PDE1C: variants seen among roughly 807,000 people sequenced by gnomAD.
PDE1C encodes the protein dual specificity calcium/calmodulin-dependent 3',5'-cyclic nucleotide phosphodiesterase 1C.
In PDE1C, 62 loss-of-function variants were observed where a neutral mutation model predicts 93.1. The observed-to-expected ratio is 0.67, with a 90% CI of 0.54 to 0.82. The LOEUF (loss-of-function observed/expected upper bound fraction) is 0.82, where lower values mean the gene tolerates loss of function less well. Ranked by LOEUF, PDE1C falls within the 40% of genes least tolerant of loss-of-function variation. PDE1C has a pLI of 0.00. For missense variants in PDE1C, 742 were observed against 884.6 expected (o/e 0.84, Z 2.04); for synonymous variants, 325 against 310.1 (o/e 1.05, Z -0.50).
At chr7:31,655,984 T>G in the PDE1C span, 1 of 985,330 alleles carries the variant, frequency 1.0e-6, no homozygotes, top group Non-Finnish European at 1.2e-6. Context: ...CTAAACCACC[T>G]CCTGTGTTCC....
Position 31,815,830 on chromosome 7 carries a change from G to A in PDE1C, c.1813+94C>T, listed in dbSNP as rs1788177761. ...GATGAGCAGGGAAGCCTTGCCCTGT[G>A]AGCTGACCCCATCAGTAGGGTTGTT... On this transcript the variant is annotated intron_variant, in intron 15 of 17. Transcript: ENST00000396191. 5.4e-6 allele frequency: 5 copies of A among 933,172 alleles called. No individual in the cohort carries two copies. The Admixed American group carries it at 7.1e-5, about 13-fold the overall frequency. The allele number at this position is 933,172 out of a possible 1,614,324, so 57.8% of individuals were successfully genotyped here.
chr7:31,705,986 ATTTTTTTTTTTTTTTTTTTTTT>A, the PDE1C span, among the ~76,000 whole-genome samples: 3 of 52,486 alleles, frequency 5.7e-5, no homozygotes, highest in South Asian at 2.5e-3. Context: ...CAGACCAGTA[ATTTTTTTTTTTTTTTTTTTTTT>A]TTTTTTTTTT....
chr7:32,320,157 G>A (rs546874027), intron 1 of PDE1C, among the ~76,000 whole-genome samples: 22 of 152,248 alleles, frequency 1.4e-4, no homozygotes, highest in African/African-American at 4.8e-4. Context: ...ATAACATTTT[G>A]TAAAGTTTAC....
At chr7:31,826,235 A>G (rs1056520725) in intron 12 of PDE1C, among the ~76,000 whole-genome samples, 33 of 152,190 alleles carry the variant, frequency 2.2e-4, no homozygotes, top group African/African-American at 7.7e-4. Context: ...AGTTTTCACA[A>G]TGGCCCAGGT....
chr7:32,005,004 G>A (rs1786001773), intron 2 of PDE1C, among the ~76,000 whole-genome samples: 1 of 152,154 alleles, frequency 6.6e-6, no homozygotes, highest in African/African-American at 2.4e-5. Flanking sequence ...CTCCTATGGA[G>A]GATGAAATGG....
chr7:32,133,544 T>C (rs911322729), intron 3 of PDE1C, among the ~76,000 whole-genome samples: 4 of 152,174 alleles, frequency 2.6e-5, no homozygotes, highest in African/African-American at 9.6e-5. Flanking sequence ...AACCAGTGTA[T>C]AAATTTAGCC....
intron 1 of PDE1C, among the ~76,000 whole-genome samples, chr7:32,389,160 G>GTGTGTGTGTGTC (rs777922226): frequency 0.043 from 5,567 of 129,200 alleles, 250 homozygotes; most frequent in African/African-American, 0.13. Flanking sequence ...TAGCTGACGT[G>GTGTGTGTGTGTC]TGTGTGTGTG....
chr7:32,426,881 G>A (rs1785544102), intron 1 of PDE1C, among the ~76,000 whole-genome samples: 1 of 152,160 alleles, frequency 6.6e-6, no homozygotes, highest in South Asian at 2.1e-4. Flanking sequence ...TTCTTGAAAA[G>A]TCAACAGACC....
the PDE1C span, among the ~76,000 whole-genome samples, chr7:31,659,993 ATGATAG>A: frequency 6.6e-6 from 1 of 152,130 alleles, no homozygotes; most frequent in East Asian, 1.9e-4. Flanking sequence ...TGTTGTTCTC[ATGATAG>A]TGAGTTCTCA....
At chr7:32,172,823 TAAAAA>T (rs70989638) in intron 2 of PDE1C, among the ~76,000 whole-genome samples, 1 of 104,456 alleles carries the variant, frequency 9.6e-6, no homozygotes, top group Non-Finnish European at 1.9e-5. Flanking sequence ...ACTCCATCTT[TAAAAA>T]AAAAAAAAAA....
chr7:31,760,622 A>C (rs890180946), intron 17 of PDE1C, among the ~76,000 whole-genome samples: 4 of 152,178 alleles, frequency 2.6e-5, no homozygotes, highest in African/African-American at 9.7e-5. Flanking sequence ...GCTTTTGAGT[A>C]AATTCTAATA....
the PDE1C span, chr7:31,642,556 C>G: frequency 7.0e-6 from 6 of 852,876 alleles, no homozygotes; most frequent in Admixed American, 1.2e-4. Flanking sequence ...TAAACAGATG[C>G]AAAACCTGAT....
chr7:32,209,966 A>G (rs567091183), intron 1 of PDE1C, among the ~76,000 whole-genome samples: 2 of 152,328 alleles, frequency 1.3e-5, no homozygotes, highest in African/African-American at 4.8e-5. Flanking sequence ...TAGGATCCAT[A>G]GGGGCAAAGC....
chr7:31,758,894 T>G (rs1047698262), intron 17 of PDE1C, among the ~76,000 whole-genome samples: 3 of 152,164 alleles, frequency 2.0e-5, no homozygotes, highest in Non-Finnish European at 4.4e-5. Context: ...TCACCGTCCC[T>G]CTCCATATTC....
chr7:32,214,419 A>G (rs1439549780), intron 1 of PDE1C, among the ~76,000 whole-genome samples: 1 of 152,034 alleles, frequency 6.6e-6, no homozygotes, highest in Non-Finnish European at 1.5e-5. Flanking sequence ...CACCTAGGGA[A>G]TGTTACAAAA....
At chr7:31,683,777 T>C in the PDE1C span, among the ~76,000 whole-genome samples, 2 of 152,260 alleles carry the variant, frequency 1.3e-5, no homozygotes, top group East Asian at 3.9e-4. Context: ...GAGAACATTT[T>C]ATAGATTATT....
At chr7:31,670,773 C>T in the PDE1C span, among the ~76,000 whole-genome samples, 4 of 152,100 alleles carry the variant, frequency 2.6e-5, no homozygotes, top group African/African-American at 9.7e-5. Context: ...TTCCTATTTT[C>T]CCACTTGAAT....
At chr7:32,372,572 C>A (rs2128087919) in intron 1 of PDE1C, among the ~76,000 whole-genome samples, 1 of 152,128 alleles carries the variant, frequency 6.6e-6, no homozygotes, top group South Asian at 2.1e-4. Flanking sequence ...TTTGGTTAGA[C>A]AAAACCTTCT....
At chr7:31,874,211 TC>T (rs2128866610) in intron 5 of PDE1C, among the ~76,000 whole-genome samples, 1 of 152,326 alleles carries the variant, frequency 6.6e-6, no homozygotes, top group Admixed American at 6.5e-5. Flanking sequence ...TCCCTGAAGT[TC>T]AAAGTCTTTG....
Sources: gnomAD v4.1 joint callset for allele counts (sites outside exome capture counted in the v4.1 genomes callset) on GRCh38, gnomAD v4.1.1 for gene constraint, MANE v1.5 for transcripts, NCBI Gene and HGNC (gene_info 2026-07-23, HGNC 2026-07-21) for gene names.